The following IGBP1C variants were observed in gnomAD, a reference collection of about 807,000 sequenced individuals.
The protein encoded by IGBP1C is immunoglobulin-binding protein 1 family member C.
chr17:58,663,131 C>T, the IGBP1C span, among the ~76,000 whole-genome samples: 1 of 146,128 alleles, frequency 6.8e-6, no homozygotes, highest in African/African-American at 2.5e-5. Flanking sequence ...AAAGAAAAGT[C>T]ATTAATGTTG....
the IGBP1C span, among the ~76,000 whole-genome samples, chr17:58,680,772 A>G: frequency 6.6e-6 from 1 of 152,116 alleles, no homozygotes; most frequent in Non-Finnish European, 1.5e-5. Flanking sequence ...ACAAATTAGA[A>G]TTGGAGTTTC....
the IGBP1C span, among the ~76,000 whole-genome samples, chr17:58,685,070 A>T: frequency 2.0e-5 from 3 of 152,214 alleles, no homozygotes; most frequent in Non-Finnish European, 4.4e-5. Flanking sequence ...TAGAAATAAT[A>T]CGAATGAAAA....
At chr17:58,660,809 A>T in the IGBP1C span, 4 of 782,024 alleles carry the variant, frequency 5.1e-6, no homozygotes, top group Admixed American at 1.7e-5. Flanking sequence ...CATGGAAGCC[A>T]GACTTGGATA....
the IGBP1C span, among the ~76,000 whole-genome samples, chr17:58,670,502 C>T: frequency 9.9e-5 from 15 of 151,508 alleles, no homozygotes; most frequent in African/African-American, 3.4e-4. Flanking sequence ...AGCCAGGAGC[C>T]GTGGCTCACG....
the IGBP1C span, among the ~76,000 whole-genome samples, chr17:58,682,110 G>A: frequency 2.5e-4 from 38 of 151,896 alleles, no homozygotes; most frequent in Non-Finnish European, 4.7e-4. Flanking sequence ...TACCATGTCT[G>A]GCTAACTTTT....
At chr17:58,686,089 A>C in the IGBP1C span, among the ~76,000 whole-genome samples, 1 of 151,322 alleles carries the variant, frequency 6.6e-6, no homozygotes, top group African/African-American at 2.4e-5. Flanking sequence ...GGTGGCTCGC[A>C]CCTGTAATCC....
the IGBP1C span, among the ~76,000 whole-genome samples, chr17:58,676,948 C>G: frequency 6.6e-6 from 1 of 152,004 alleles, no homozygotes; most frequent in East Asian, 1.9e-4. Flanking sequence ...GAAACCCCGT[C>G]TCTACTAAAA....
At chr17:58,677,934 G>A in the IGBP1C span, among the ~76,000 whole-genome samples, 3 of 152,202 alleles carry the variant, frequency 2.0e-5, no homozygotes, top group Admixed American at 1.3e-4. Context: ...GGCAGATCAC[G>A]AGGTCAGGAG....
At chr17:58,665,434 C>A in the IGBP1C span, among the ~76,000 whole-genome samples, 1 of 151,708 alleles carries the variant, frequency 6.6e-6, no homozygotes, top group Non-Finnish European at 1.5e-5. Flanking sequence ...AACCCTGCCT[C>A]TACTAAAAAT....
chr17:58,671,592 T>C, the IGBP1C span, among the ~76,000 whole-genome samples: 1 of 152,102 alleles, frequency 6.6e-6, no homozygotes, highest in Non-Finnish European at 1.5e-5. Flanking sequence ...CTGTGGTCCA[T>C]TAAAAGCCAG....
At chr17:58,686,816 A>C in the IGBP1C span, among the ~76,000 whole-genome samples, 2 of 136,962 alleles carry the variant, frequency 1.5e-5, no homozygotes, top group Non-Finnish European at 3.1e-5. Flanking sequence ...AACAACATTG[A>C]CTTCTTTCTC....
chr17:58,690,942 C>T, the IGBP1C span, among the ~76,000 whole-genome samples: 1 of 152,304 alleles, frequency 6.6e-6, no homozygotes, highest in Admixed American at 6.5e-5. Context: ...TCATAGCTCA[C>T]TCCCAGGCTG....
At chr17:58,667,308 T>C in the IGBP1C span, among the ~76,000 whole-genome samples, 1 of 152,366 alleles carries the variant, frequency 6.6e-6, no homozygotes, top group East Asian at 1.9e-4. Flanking sequence ...GATGAGCTTA[T>C]GGCCTCAACT....
chr17:58,671,990 G>A, the IGBP1C span, among the ~76,000 whole-genome samples: 1 of 152,108 alleles, frequency 6.6e-6, no homozygotes, highest in African/African-American at 2.4e-5. Flanking sequence ...TTTCATGGAA[G>A]ACAATTTTCC....
At chr17:58,682,906 A>C in the IGBP1C span, among the ~76,000 whole-genome samples, 1 of 152,266 alleles carries the variant, frequency 6.6e-6, no homozygotes, top group Admixed American at 6.5e-5. Context: ...CTTTGAGAAG[A>C]GCCTCATTTC....
the IGBP1C span, among the ~76,000 whole-genome samples, chr17:58,676,897 G>A: frequency 4.6e-5 from 7 of 152,070 alleles, no homozygotes; most frequent in East Asian, 9.7e-4. Flanking sequence ...TTGGGAGGAC[G>A]AGGCAGGCAG....
chr17:58,662,413 T>TCACA, the IGBP1C span, among the ~76,000 whole-genome samples: 125 of 127,738 alleles, frequency 9.8e-4, no homozygotes, highest in Non-Finnish European at 1.5e-3. Context: ...AGCACACATA[T>TCACA]CTCACACACA....
chr17:58,662,417 AC>A, the IGBP1C span, among the ~76,000 whole-genome samples: 1 of 36,994 alleles, frequency 2.7e-5, no homozygotes, highest in African/African-American at 7.8e-5. Context: ...CACATATCTC[AC>A]ACACACACAC....
chr17:58,691,806 A>G, the IGBP1C span: 2 of 152,156 alleles, frequency 1.3e-5, no homozygotes, highest in African/African-American at 4.8e-5. Context: ...TCTGTAATTT[A>G]GAGGCGGTCA....
Sources: gnomAD v4.1 joint callset for allele counts (sites outside exome capture counted in the v4.1 genomes callset) on GRCh38, gnomAD v4.1.1 for gene constraint, MANE v1.5 for transcripts, NCBI Gene and HGNC (gene_info 2026-07-23, HGNC 2026-07-21) for gene names.